Variants in SLC14A2 observed in about 807,000 individuals in gnomAD.
The protein encoded by SLC14A2 is solute carrier family 14 member 2, also known as urea transporter 2.
SLC14A2 carries 91 observed loss-of-function variants against 104.6 expected under a neutral mutation model. The observed-to-expected ratio is 0.87, with a 90% CI of 0.73 to 1.04. The LOEUF is 1.04. Among genes scored for constraint, SLC14A2 ranks in the 50% least tolerant of loss-of-function variants. The pLI, the probability that SLC14A2 is intolerant of heterozygous loss-of-function variation, is 0.00. For synonymous variants in SLC14A2, 476 were observed against 466.4 expected, an observed-to-expected ratio of 1.02 and a Z score of -0.27; for missense variants, 1,189 against 1,156.0, an observed-to-expected ratio of 1.03 and a Z score of -0.41.
the SLC14A2 span, among the ~76,000 whole-genome samples, chr18:45,185,423 A>C: frequency 6.6e-6 from 1 of 152,124 alleles, no homozygotes; most frequent in Non-Finnish European, 1.5e-5. Context: ...AGACATGGTT[A>C]CCTCCGAGGA....
At chr18:45,302,159 C>A (rs1456927032) in intron 1 of SLC14A2, among the ~76,000 whole-genome samples, 1 of 152,220 alleles carries the variant, frequency 6.6e-6, no homozygotes, top group Admixed American at 6.5e-5. Context: ...ATGCTCAGTA[C>A]TCCTTTCAAA....
rs866032957 is a variant in SLC14A2, at chr18:45,236,133, A to G, written c.-125+22942A>G. The stretch of plus-strand genomic sequence containing the variant: ...TGTATATATACATATATGTGTGTAT[A>G]TATGTATATATACATATATGTGTGT... On this transcript the variant is annotated intron_variant, in intron 1 of 20. Coordinates refer to the SLC14A2 transcript ENST00000586448. Among the ~76,000 whole-genome samples the G allele has an allele frequency of 3.5e-5, 2 of 57,600 alleles. 1 individual carries two copies. The highest frequency in any genetic ancestry group is 2.0e-4 in the African/African-American group (2 of 10,222). The allele number at this position is 57,600 out of a possible 152,430, so 37.8% of individuals were successfully genotyped here.
intron 2 of SLC14A2, among the ~76,000 whole-genome samples, chr18:45,555,179 T>C (rs139608932): frequency 6.6e-6 from 1 of 152,324 alleles, no homozygotes; most frequent in Non-Finnish European, 1.5e-5. Flanking sequence ...TGATTCTCAG[T>C]TGTGAGGGCA....
At chr18:45,414,554 T>C (rs1339173319) in intron 1 of SLC14A2, among the ~76,000 whole-genome samples, 1 of 151,422 alleles carries the variant, frequency 6.6e-6, no homozygotes, top group Non-Finnish European at 1.5e-5. Context: ...CGTGTATACC[T>C]ATGTAACAAA....
intron 1 of SLC14A2, among the ~76,000 whole-genome samples, chr18:45,243,143 C>G (rs761089842): frequency 4.1e-4 from 63 of 152,176 alleles, no homozygotes; most frequent in Non-Finnish European, 8.1e-4. Flanking sequence ...GTAGTAATTA[C>G]CCTGCAATGG....
At chr18:45,186,690 A>G in the SLC14A2 span, among the ~76,000 whole-genome samples, 2 of 152,198 alleles carry the variant, frequency 1.3e-5, 1 homozygote, top group African/African-American at 4.8e-5. Flanking sequence ...AGAGAGTCAT[A>G]GCTAAGATCT....
chr18:45,591,539 C>T (rs2044646209), intron 2 of SLC14A2, among the ~76,000 whole-genome samples: 1 of 152,130 alleles, frequency 6.6e-6, no homozygotes, highest in South Asian at 2.1e-4. Flanking sequence ...GTTTCACCAT[C>T]TTGGCCAGGC....
chr18:45,636,447 A>C (rs1393299002), intron 5 of SLC14A2, among the ~76,000 whole-genome samples: 1 of 152,250 alleles, frequency 6.6e-6, no homozygotes, highest in Non-Finnish European at 1.5e-5. Flanking sequence ...AAGAAGACAG[A>C]GGGTACAAAC....
chr18:45,334,911 C>A (rs905517384), intron 1 of SLC14A2, among the ~76,000 whole-genome samples: 5 of 152,200 alleles, frequency 3.3e-5, no homozygotes, highest in African/African-American at 1.2e-4. Flanking sequence ...GTCTCTTCCA[C>A]CTCCCTCTTC....
intron 11 of SLC14A2, 97 bp downstream of exon 11, chr18:45,664,004 G>C: frequency 7.6e-7 from 1 of 1,313,368 alleles, no homozygotes; most frequent in South Asian, 1.5e-5. Context: ...GTGGTGGGGA[G>C]ACCCGCTGGA....
rs528654529 is a variant in SLC14A2 at position 45,662,828 on chromosome 18, G to T, written c.1352-957G>T. Among the ~76,000 whole-genome samples the T allele has an allele frequency of 3.9e-5, 6 of 152,212 alleles. No individual in the cohort carries two copies. The East Asian group carries it at 1.2e-3, about 29-fold the overall frequency. On this transcript the variant is annotated intron_variant, in intron 10 of 19. Coordinates refer to ENST00000255226, the MANE Select transcript of SLC14A2 (RefSeq NM_007163.4). ...TGTACTGGAGCTCCAAGCAGAGCAA[G>T]GTAAAACTGCATACCCCCCAGGATC...
chr18:45,218,955 G>T (rs1407958426), intron 1 of SLC14A2, among the ~76,000 whole-genome samples: 3 of 151,332 alleles, frequency 2.0e-5, no homozygotes, highest in African/African-American at 7.3e-5. Flanking sequence ...TCTGAATTCA[G>T]AATTAATTTT....
chr18:45,456,540 A>G (rs1386561773), intron 1 of SLC14A2, among the ~76,000 whole-genome samples: 1 of 152,142 alleles, frequency 6.6e-6, no homozygotes, highest in East Asian at 1.9e-4. Flanking sequence ...CATGGTGAAG[A>G]CACTCTCTCC....
intron 1 of SLC14A2, among the ~76,000 whole-genome samples, chr18:45,449,257 A>G (rs754582323): frequency 1.3e-5 from 2 of 152,224 alleles, no homozygotes; most frequent in African/African-American, 4.8e-5. Flanking sequence ...ATGAAAGAGC[A>G]TATAGATTGA....
chr18:45,427,783 T>A (rs1381760348), intron 1 of SLC14A2, among the ~76,000 whole-genome samples: 1 of 152,176 alleles, frequency 6.6e-6, no homozygotes, highest in African/African-American at 2.4e-5. Context: ...TATCAGAGCA[T>A]CCTTGTGTGT....
intron 2 of SLC14A2, among the ~76,000 whole-genome samples, chr18:45,553,568 T>C (rs1042844301): frequency 1.3e-5 from 2 of 152,160 alleles, no homozygotes; most frequent in Non-Finnish European, 2.9e-5. Context: ...GTGTGCTGTA[T>C]GAGGTCAACT....
At chr18:45,175,396 T>C in the SLC14A2 span, among the ~76,000 whole-genome samples, 3 of 149,434 alleles carry the variant, frequency 2.0e-5, no homozygotes, top group African/African-American at 7.3e-5. Context: ...TGATTTGAAA[T>C]GTAGGGGTAA....
intron 6 of SLC14A2, among the ~76,000 whole-genome samples, chr18:45,637,451 A>G (rs1425136540): frequency 6.6e-6 from 1 of 152,250 alleles, no homozygotes; most frequent in Non-Finnish European, 1.5e-5. Flanking sequence ...TACATTCTAT[A>G]CGGGGAAACA....
chr18:45,247,436 C>T (rs945470690), intron 1 of SLC14A2, among the ~76,000 whole-genome samples: 1 of 152,228 alleles, frequency 6.6e-6, no homozygotes, highest in African/African-American at 2.4e-5. Context: ...ATGACCTAAA[C>T]ATCCTTGGGT....
Sources: gnomAD v4.1 joint callset for allele counts (sites outside exome capture counted in the v4.1 genomes callset) on GRCh38, gnomAD v4.1.1 for gene constraint, MANE v1.5 for transcripts, NCBI Gene and HGNC (gene_info 2026-07-23, HGNC 2026-07-21) for gene names.